The following TNRC6A variants were observed in gnomAD, a reference collection of about 807,000 sequenced individuals.
TNRC6A encodes trinucleotide repeat-containing gene 6A protein.
Under a neutral mutation model 221.2 loss-of-function variants are expected in TNRC6A, and 44 were observed. The observed-to-expected ratio is 0.20, with a 90% CI of 0.16 to 0.26. TNRC6A has a LOEUF of 0.26. TNRC6A is among the 10% of genes least tolerant of loss of function. The pLI is 1.00. For synonymous variants in TNRC6A, 847 were observed against 838.5 expected (o/e 1.01, Z -0.18); for missense variants, 2,199 against 2,404.4 (o/e 0.91, Z 1.79).
At chr16:24,658,642 G>A (rs1455327858) in intron 2 of TNRC6A, among the ~76,000 whole-genome samples, 1 of 151,736 alleles carries the variant, frequency 6.6e-6, no homozygotes, top group African/African-American at 2.4e-5. Context: ...ACAGGTATGA[G>A]CCACAGAGCC....
intron 1 of TNRC6A, among the ~76,000 whole-genome samples, chr16:24,612,845 G>A (rs79654806): frequency 0.01 from 1,545 of 152,174 alleles, 16 homozygotes; most frequent in African/African-American, 0.036. Flanking sequence ...ATTCTCATGG[G>A]GTTTATAGTC....
At chr16:24,619,777 GGT>G (rs1265091230) in intron 1 of TNRC6A, among the ~76,000 whole-genome samples, 2 of 152,048 alleles carry the variant, frequency 1.3e-5, no homozygotes, top group Non-Finnish European at 2.9e-5. Context: ...AGTTGTACAG[GGT>G]GTGTGTGTGA....
chr16:24,667,685 G>A (rs144578146), intron 2 of TNRC6A, among the ~76,000 whole-genome samples: 1 of 152,230 alleles, frequency 6.6e-6, no homozygotes, highest in East Asian at 1.9e-4. Context: ...AATGACTAGC[G>A]CATAGTTAGT....
At chr16:24,817,085 AG>A in intron 20 of TNRC6A, 129 bp downstream of exon 20, 1 of 927,488 alleles carries the variant, frequency 1.1e-6, no homozygotes, top group Non-Finnish European at 1.5e-6. Context: ...CAGGAGCTTG[AG>A]GCAAGCCTGG....
intron 1 of TNRC6A, among the ~76,000 whole-genome samples, chr16:24,621,117 A>C (rs796995392): frequency 1.3e-4 from 20 of 149,624 alleles, no homozygotes; most frequent in African/African-American, 4.9e-4. Context: ...GTGAAACTCC[A>C]TCTCAAAGAA....
intron 2 of TNRC6A, among the ~76,000 whole-genome samples, chr16:24,642,803 AG>A (rs1441566719): frequency 6.6e-6 from 1 of 151,972 alleles, no homozygotes; most frequent in Non-Finnish European, 1.5e-5. Context: ...CGGGCGACAC[AG>A]TGAGACTCCA....
chr16:24,754,512 C>G (rs1370852834), intron 3 of TNRC6A, among the ~76,000 whole-genome samples: 1 of 151,876 alleles, frequency 6.6e-6, no homozygotes, highest in East Asian at 1.9e-4. Flanking sequence ...TTTTCTGATT[C>G]TTGGGCTTAG....
intron 2 of TNRC6A, among the ~76,000 whole-genome samples, chr16:24,673,260 A>G (rs1303965202): frequency 2.0e-5 from 3 of 152,212 alleles, no homozygotes; most frequent in African/African-American, 4.8e-5. Context: ...AAACTTTGAT[A>G]ATGAGAGTCC....
intron 2 of TNRC6A, among the ~76,000 whole-genome samples, chr16:24,718,146 T>C (rs2056348735): frequency 6.6e-6 from 1 of 152,146 alleles, no homozygotes; most frequent in Non-Finnish European, 1.5e-5. Context: ...CTCTAGGTAC[T>C]GGAGAATACA....
At chr16:24,822,753 G>T (rs1158475887) in intron 23 of TNRC6A, 121 bp from the exon 24 acceptor site, 14 of 1,348,974 alleles carry the variant, frequency 1.0e-5, no homozygotes, top group Admixed American at 2.1e-5. Context: ...TGTCAGTGAA[G>T]AGTGGTGCCA....
At position 24,806,695 on chromosome 16, in the gene TNRC6A, A is replaced by G. The variant is rs2058439456; in HGVS notation, c.4451A>G (p.Lys1484Arg). The G allele has an allele frequency of 1.2e-6, 2 of 1,614,056 alleles. No individual in the cohort carries two copies. The highest frequency in any genetic ancestry group is 1.3e-5 in the African/African-American group (1 of 74,926). ...CAGCCACTCCATCAGCCAGCCATGA[A>G]GTCTTTCCTTGACAATGTCATGCCC... ...QQQPLHQPAM[K>R]SFLDNVMPHT... Residue 1484 changes from lysine (K) to arginine (R), a missense_variant, in exon 17 of 25, where the codon AAG becomes AGG. Coordinates refer to ENST00000395799, the MANE Select transcript of TNRC6A (RefSeq NM_014494.4).
chr16:24,669,968 T>TTTTTTTTTTTTTTTTTTTTTGA, intron 2 of TNRC6A, among the ~76,000 whole-genome samples: 1 of 116,018 alleles, frequency 8.6e-6, no homozygotes, highest in Non-Finnish European at 1.7e-5. Flanking sequence ...TTTTTTTTTT[T>TTTTTTTTTTTTTTTTTTTTTGA]AGACAGAGTC....
chr16:24,663,355 G>C (rs946605562), intron 2 of TNRC6A: 2 of 154,046 alleles, frequency 1.3e-5, no homozygotes, highest in Admixed American at 1.3e-4. Flanking sequence ...TCAGGAGTTC[G>C]AGACCAGCCT....
chr16:24,641,701 A>T (rs1441062707), intron 2 of TNRC6A, among the ~76,000 whole-genome samples: 2 of 152,232 alleles, frequency 1.3e-5, no homozygotes, highest in East Asian at 3.8e-4. Flanking sequence ...ATTATTTGTA[A>T]ACATGAGTAC....
chr16:24,742,716 G>GT (rs1280921887), intron 2 of TNRC6A, among the ~76,000 whole-genome samples: 18 of 152,326 alleles, frequency 1.2e-4, no homozygotes, highest in Middle Eastern at 3.4e-3. Context: ...GACGTCAGGA[G>GT]TTTGAGACCA....
intron 2 of TNRC6A, among the ~76,000 whole-genome samples, chr16:24,702,559 A>G (rs2056008015): frequency 6.6e-6 from 1 of 151,950 alleles, no homozygotes; most frequent in African/African-American, 2.4e-5. Context: ...TGAAATTGTC[A>G]TTTTTTCAGT....
chr16:24,782,288 G>A lies in TNRC6A; in HGVS notation c.589+4930G>A, dbSNP rs116398578. Among the ~76,000 whole-genome samples the A allele has an allele frequency of 8.0e-3, 1,215 of 152,228 alleles. 20 individuals carry two copies. Among genetic ancestry groups the A allele is most frequent in the African/African-American group, 0.028 (1,149 of 41,520 alleles). ...CCACTTTCACCCCATCTCTCAAACC[G>A]GAAGCCAGTCATGATTCATGCATTG... On this transcript the variant is annotated intron_variant, in intron 5 of 24. Transcript: ENST00000395799.
chr16:24,703,360 A>G (rs1416898811), intron 2 of TNRC6A, among the ~76,000 whole-genome samples: 2 of 152,164 alleles, frequency 1.3e-5, no homozygotes, highest in African/African-American at 4.8e-5. Flanking sequence ...CAACCATGCC[A>G]TAGCATGTGT....
rs1369810005 is a variant in TNRC6A at position 24,790,411 on chromosome 16, A to G, written c.1769A>G (p.Asn590Ser). ...CAGAGTACATCATGGGGAAGTGGAA[A>G]TGGCGCAAATTCTGGAGGAAGTCGA... ...NSQSTSWGSG[N>S]GANSGGSRRG... Residue 590 changes from asparagine (N) to serine (S), a missense_variant, in exon 6 of 25, where the codon AAT becomes AGT. Physicochemically the swap from Asn to Ser is conservative, Grantham distance 46. Around this residue, in one of 8 missense-constraint regions of TNRC6A, gnomAD observed 1,405 missense variants for 1,400.2 expected, o/e 1.00. Coordinates refer to ENST00000395799, the MANE Select transcript of TNRC6A (RefSeq NM_014494.4). 1 of 1,614,222 alleles carries G rather than the reference A, an allele frequency of 6.2e-7. No individual in the cohort carries two copies. The highest frequency in any genetic ancestry group is 1.7e-5 in the Admixed American group (1 of 60,032).
Sources: gnomAD v4.1 joint callset for allele counts (sites outside exome capture counted in the v4.1 genomes callset) on GRCh38, gnomAD v4.1.1 for gene constraint, gnomAD v4.1.1 regional missense constraint, MANE v1.5 for transcripts, NCBI Gene and HGNC (gene_info 2026-07-23, HGNC 2026-07-21) for gene names.